The following PACRG variants were observed in gnomAD, a reference collection of about 807,000 sequenced individuals.
The protein encoded by PACRG is parkin coregulated.
PACRG carries 29 observed loss-of-function variants against 29.7 expected under a neutral mutation model. That is an observed-to-expected ratio of 0.98 (90% CI 0.73 to 1.33). The LOEUF is 1.33. PACRG is among the 40% of genes most tolerant of loss of function. PACRG has a pLI of 0.00. For synonymous variants in PACRG, 116 were observed against 118.7 expected (o/e 0.98, Z 0.15); for missense variants, 279 against 316.2 (o/e 0.88, Z 0.89).
chr6:162,741,335 C>T (rs1780577154), intron 1 of PACRG, among the ~76,000 whole-genome samples: 1 of 152,118 alleles, frequency 6.6e-6, no homozygotes, highest in African/African-American at 2.4e-5. Context: ...TAACACAATA[C>T]CATAGACTGG....
intron 2 of PACRG, among the ~76,000 whole-genome samples, chr6:162,835,346 A>G (rs1258969038): frequency 6.6e-6 from 1 of 152,078 alleles, no homozygotes; most frequent in Non-Finnish European, 1.5e-5. Context: ...TTCCATTTCT[A>G]AAAAGAAGAT....
chr6:162,958,265 T>C (rs73607817), intron 2 of PACRG, among the ~76,000 whole-genome samples: 1 of 152,008 alleles, frequency 6.6e-6, no homozygotes, highest in Admixed American at 6.6e-5. Flanking sequence ...TTATGAAAAA[T>C]AATGAATTTC....
At chr6:163,289,498 T>A (rs947223642) in intron 4 of PACRG, among the ~76,000 whole-genome samples, 2 of 152,208 alleles carry the variant, frequency 1.3e-5, no homozygotes, top group Admixed American at 6.5e-5. Context: ...TTTAATTTTT[T>A]AAAATACTTA....
intron 4 of PACRG, among the ~76,000 whole-genome samples, chr6:163,145,652 G>A (rs561419711): frequency 6.6e-6 from 1 of 152,180 alleles, no homozygotes; most frequent in Non-Finnish European, 1.5e-5. Flanking sequence ...CACTACACAG[G>A]ACAGCGCCAC....
intron 1 of PACRG, among the ~76,000 whole-genome samples, chr6:162,743,246 G>A (rs1159199448): frequency 6.6e-6 from 1 of 151,962 alleles, no homozygotes; most frequent in African/African-American, 2.4e-5. Flanking sequence ...TTGAGTTCAT[G>A]TTTTTCTTTT....
intron 4 of PACRG, among the ~76,000 whole-genome samples, chr6:163,256,240 G>A (rs1397486604): frequency 1.3e-5 from 2 of 152,142 alleles, no homozygotes; most frequent in East Asian, 3.8e-4. Flanking sequence ...CTGTTTTACT[G>A]TATATTCCAT....
intron 4 of PACRG, among the ~76,000 whole-genome samples, chr6:163,160,209 T>C (rs1778500087): frequency 6.6e-6 from 1 of 152,194 alleles, no homozygotes; most frequent in Admixed American, 6.5e-5. Flanking sequence ...TGACAGTTAA[T>C]GCTTCCAAGA....
At chr6:163,184,204 A>G (rs542687458) in intron 4 of PACRG, among the ~76,000 whole-genome samples, 1 of 152,342 alleles carries the variant, frequency 6.6e-6, no homozygotes, top group Admixed American at 6.5e-5. Context: ...TTCCTTAAGA[A>G]ATTTACCCCA....
At position 162,911,798 on chromosome 6, in the gene PACRG, T is replaced by G. The variant is rs144442898; in HGVS notation, c.291+97517T>G. On this transcript the variant is annotated intron_variant, in intron 2 of 4. Transcript: ENST00000366888. ...AAGTGATAATGCTGTGACCTAGGGC[T>G]AGTGGCAGCTGAGCTTTGGACACTG... 1.2e-3 allele frequency among the ~76,000 whole-genome samples: 180 copies of G among 152,278 alleles called. 1 individual carries two copies. Among genetic ancestry groups the G allele is most frequent in the African/African-American group, 4.0e-3 (165 of 41,560 alleles).
At position 163,094,762 on chromosome 6, in the gene PACRG, C is replaced by T. The variant is rs182914068; in HGVS notation, c.613+5354C>T. Among the ~76,000 whole-genome samples, 4 of 152,168 alleles carry T rather than the reference C, an allele frequency of 2.6e-5. No homozygotes were observed. The East Asian group carries it at 7.7e-4, about 29-fold the overall frequency. The stretch of plus-strand genomic sequence containing the variant: ...GCAGCCTCACTACTTCATGGGGTAG[C>T]TGTTCTACTTCCAAAGAGAAAGGCA... On this transcript the variant is annotated intron_variant, in intron 4 of 4. Coordinates refer to ENST00000366888, the MANE Select transcript of PACRG (RefSeq NM_001080379.2).
At chr6:163,268,102 T>G (rs1783598020) in intron 4 of PACRG, among the ~76,000 whole-genome samples, 1 of 152,066 alleles carries the variant, frequency 6.6e-6, no homozygotes, top group Non-Finnish European at 1.5e-5. Flanking sequence ...TATAGATACT[T>G]TGAAAGTGTT....
chr6:163,103,327 C>A (rs960427321), intron 4 of PACRG, among the ~76,000 whole-genome samples: 1 of 152,154 alleles, frequency 6.6e-6, no homozygotes, highest in Non-Finnish European at 1.5e-5. Flanking sequence ...CTGCTAGAGG[C>A]GGCCCACATT....
chr6:162,727,332 G>GGGGCGAAGGTGAGGGGCGGCGGCC, upstream of PACRG: 1 of 391,490 alleles, frequency 2.6e-6, no homozygotes. Flanking sequence ...GGGCGGCGGC[G>GGGGCGAAGGTGAGGGGCGGCGGCC]GGGAGAAGGC....
intron 4 of PACRG, among the ~76,000 whole-genome samples, chr6:163,162,423 C>A (rs999395174): frequency 6.6e-5 from 10 of 152,244 alleles, no homozygotes; most frequent in Non-Finnish European, 8.8e-5. Flanking sequence ...TAACCCCAAT[C>A]CCCCTCAAAT....
chr6:163,050,551 A>G (rs1322276818), intron 2 of PACRG, among the ~76,000 whole-genome samples: 1 of 152,178 alleles, frequency 6.6e-6, no homozygotes, highest in Non-Finnish European at 1.5e-5. Context: ...CTCACTTTTT[A>G]ATAAATTTTA....
intron 4 of PACRG, among the ~76,000 whole-genome samples, chr6:163,227,215 C>T (rs1166140477): frequency 6.6e-6 from 1 of 152,152 alleles, no homozygotes; most frequent in Non-Finnish European, 1.5e-5. Context: ...CGGGAAGCTT[C>T]TACTCACGAT....
At chr6:162,909,669 A>G (rs1341544984) in intron 2 of PACRG, among the ~76,000 whole-genome samples, 1 of 149,204 alleles carries the variant, frequency 6.7e-6, no homozygotes, top group African/African-American at 2.5e-5. Flanking sequence ...ACATGTCCAC[A>G]GTATCTGGCA....
intron 4 of PACRG, among the ~76,000 whole-genome samples, chr6:163,201,901 C>A (rs1202765952): frequency 6.6e-6 from 1 of 152,230 alleles, no homozygotes; most frequent in Non-Finnish European, 1.5e-5. Flanking sequence ...GCCTTCCTCA[C>A]ACGGTGGTGG....
Position 162,883,196 on chromosome 6 carries a change from A to T in PACRG, c.291+68915A>T, listed in dbSNP as rs181003628. 8.0e-3 allele frequency among the ~76,000 whole-genome samples: 1,214 copies of T among 152,176 alleles called. 4 individuals carry two copies. The highest frequency in any genetic ancestry group is 0.012 in the Non-Finnish European group (845 of 68,002). On this transcript the variant is annotated intron_variant, in intron 2 of 4. Transcript: ENST00000366888. The stretch of plus-strand genomic sequence containing the variant: ...ACTACCAATTTGTTAGATTTTTTTA[A>T]AAATGTGATTTCACATAATTATAAA...
Sources: allele counts gnomAD v4.1 joint callset (sites outside exome capture counted in the v4.1 genomes callset), GRCh38; gene constraint gnomAD v4.1.1; transcripts MANE v1.5; gene names NCBI Gene and HGNC (gene_info 2026-07-23, HGNC 2026-07-21).